The following F13A1 variants were observed in gnomAD, a reference collection of about 807,000 sequenced individuals.
F13A1 encodes the protein coagulation factor XIII A chain, also known as FSF, A subunit.
In F13A1, 47 loss-of-function variants were observed where a neutral mutation model predicts 80.1. The observed-to-expected ratio is 0.59, with a 90% CI of 0.46 to 0.75. The LOEUF (loss-of-function observed/expected upper bound fraction) is 0.75. Ranked by LOEUF, F13A1 falls within the 30% of genes least tolerant of loss-of-function variation. The pLI, the probability that F13A1 is intolerant of heterozygous loss-of-function variation, is 0.00. For missense variants in F13A1, 817 were observed against 930.4 expected (o/e 0.88, Z 1.59); for synonymous variants, 349 against 344.9 (o/e 1.01, Z -0.13).
intron 13 of F13A1, among the ~76,000 whole-genome samples, chr6:6,163,706 G>T (rs1467761090): frequency 1.3e-5 from 2 of 152,146 alleles, no homozygotes; most frequent in African/African-American, 4.8e-5. Flanking sequence ...ATTGTGTCCA[G>T]TCTACCATTG....
intron 6 of F13A1, among the ~76,000 whole-genome samples, chr6:6,233,780 G>A (rs906306235): frequency 2.6e-5 from 4 of 151,864 alleles, no homozygotes; most frequent in Non-Finnish European, 5.9e-5. Flanking sequence ...ACAGGAATGT[G>A]GACATGGTTT....
At chr6:6,287,335 G>T (rs916690979) in intron 3 of F13A1, among the ~76,000 whole-genome samples, 1 of 152,206 alleles carries the variant, frequency 6.6e-6, no homozygotes, top group African/African-American at 2.4e-5. Context: ...TCAGACCAGC[G>T]CTTTCTGGTG....
intron 8 of F13A1, among the ~76,000 whole-genome samples, chr6:6,208,479 A>G (rs1761533920): frequency 6.6e-6 from 1 of 152,186 alleles, no homozygotes; most frequent in African/African-American, 2.4e-5. Flanking sequence ...AGTAGCAGAA[A>G]GAATATTTGA....
At chr6:6,248,239 T>C in intron 6 of F13A1, 73 bp downstream of exon 6, 1 of 1,194,312 alleles carries the variant, frequency 8.4e-7, no homozygotes. Flanking sequence ...TCAGCAGCTC[T>C]TAATGAACTG....
intron 7 of F13A1, 39 bp downstream of exon 7, chr6:6,224,647 C>T (rs1056103682): frequency 1.3e-6 from 2 of 1,592,878 alleles, no homozygotes; most frequent in East Asian, 4.5e-5. Context: ...AGTGAAGTTT[C>T]CTTTATATTA....
At chr6:6,202,968 C>A (rs1761424148) in intron 8 of F13A1, among the ~76,000 whole-genome samples, 1 of 152,174 alleles carries the variant, frequency 6.6e-6, no homozygotes, top group Admixed American at 6.5e-5. Context: ...TTCAGTAAAT[C>A]CATGTGCTTT....
chr6:6,293,538 T>C (rs564033548), intron 3 of F13A1, among the ~76,000 whole-genome samples: 88 of 151,804 alleles, frequency 5.8e-4, no homozygotes, highest in African/African-American at 2.0e-3. Flanking sequence ...AACACAGAGA[T>C]AGCTGTGCTC....
chr6:6,262,855 G>C (rs1757796046), intron 4 of F13A1, among the ~76,000 whole-genome samples: 1 of 152,066 alleles, frequency 6.6e-6, no homozygotes, highest in African/African-American at 2.4e-5. Context: ...TTCTTCACCT[G>C]TTCCCTGGAT....
intron 4 of F13A1, among the ~76,000 whole-genome samples, chr6:6,255,510 C>A (rs915412462): frequency 3.3e-5 from 5 of 152,108 alleles, no homozygotes; most frequent in Non-Finnish European, 7.3e-5. Flanking sequence ...CAGCCCCCAA[C>A]ACTGTGCCTT....
At position 6,182,021 on chromosome 6, in the gene F13A1, T is replaced by C. The variant is rs1760996916; in HGVS notation, c.1426A>G (p.Met476Val). 1 of 1,614,116 alleles carries C rather than the reference T, an allele frequency of 6.2e-7. No homozygotes were observed. The highest frequency in any genetic ancestry group is 1.3e-5 in the African/African-American group (1 of 74,948). The change falls in exon 11 of 15, where the codon ATG becomes GTG. Residue 476 changes from methionine to valine, a missense_variant. Physicochemically the swap from Met to Val is conservative, Grantham distance 21 (BLOSUM62 1). Transcript: ENST00000264870. ...AATTTGTAAGTATCAGTAATATCCA[T>C]CATGCCATCTCCTCCAATTTGTTTG... ...VTKQIGGDGM[M>V]DITDTYKFQE...
intron 8 of F13A1, among the ~76,000 whole-genome samples, chr6:6,212,904 C>A (rs1042359313): frequency 1.3e-4 from 19 of 151,886 alleles, no homozygotes; most frequent in Admixed American, 8.5e-4. Flanking sequence ...GGAGCCGATG[C>A]GATCAACTGG....
intron 6 of F13A1, among the ~76,000 whole-genome samples, chr6:6,233,746 C>T (rs557147702): frequency 3.0e-4 from 46 of 152,166 alleles, no homozygotes; most frequent in Non-Finnish European, 5.0e-4. Context: ...AAAGATAATC[C>T]GCCATGATCA....
intron 4 of F13A1, among the ~76,000 whole-genome samples, chr6:6,258,727 C>T (rs1757737015): frequency 6.6e-6 from 1 of 152,158 alleles, no homozygotes; most frequent in African/African-American, 2.4e-5. Flanking sequence ...ATGATGCATA[C>T]TATTTTATTT....
chr6:6,225,468 G>C (rs1472684852), intron 6 of F13A1, among the ~76,000 whole-genome samples: 1 of 151,890 alleles, frequency 6.6e-6, no homozygotes, highest in South Asian at 2.1e-4. Flanking sequence ...GCTTACAGAG[G>C]TTTTTTGTTT....
At chr6:6,220,408 A>G (rs905237246) in intron 8 of F13A1, among the ~76,000 whole-genome samples, 1 of 152,134 alleles carries the variant, frequency 6.6e-6, no homozygotes, top group Non-Finnish European at 1.5e-5. Flanking sequence ...TACCTTCGCT[A>G]TTTTGTATTA....
chr6:6,264,321 C>A (rs1757815665), intron 4 of F13A1, among the ~76,000 whole-genome samples: 1 of 152,136 alleles, frequency 6.6e-6, no homozygotes, highest in Non-Finnish European at 1.5e-5. Flanking sequence ...TATAGCATTC[C>A]TGAAATTTCC....
In F13A1 at chr6:6,174,884, G is replaced by A; in HGVS notation, c.1460-17C>T. On this transcript the variant is annotated splice_polypyrimidine_tract_variant and intron_variant, in intron 11 of 14. Coordinates refer to ENST00000264870, the MANE Select transcript of F13A1 (RefSeq NM_000129.4). ...CTTCTTGACCTGGGGGAGATCCAGA[G>A]ATAATGACAGGCAAAAATACAATCC... The A allele has an allele frequency of 1.2e-6, 2 of 1,614,152 alleles. No individual in the cohort carries two copies. Among genetic ancestry groups the A allele is most frequent in the Non-Finnish European group, 1.7e-6 (2 of 1,180,022 alleles).
intron 13 of F13A1, among the ~76,000 whole-genome samples, chr6:6,161,077 G>T (rs542679143): frequency 6.6e-6 from 1 of 152,124 alleles, no homozygotes; most frequent in Non-Finnish European, 1.5e-5. Context: ...CTTTAGAATG[G>T]CAGGTACTGA....
intron 13 of F13A1, 32 bp from the exon 14 acceptor site, chr6:6,151,981 A>C: frequency 6.2e-7 from 1 of 1,613,036 alleles, no homozygotes; most frequent in Non-Finnish European, 8.5e-7. Flanking sequence ...ATTAGCACCA[A>C]ATAAAACCTC....
Sources: gnomAD v4.1 joint callset for allele counts (sites outside exome capture counted in the v4.1 genomes callset) on GRCh38, gnomAD v4.1.1 for gene constraint, MANE v1.5 for transcripts, NCBI Gene and HGNC (gene_info 2026-07-23, HGNC 2026-07-21) for gene names.